Variants in MARCHF10 observed in about 807,000 individuals in gnomAD.
MARCHF10 encodes the protein membrane associated ring-CH-type finger 10.
Under a neutral mutation model 76.2 loss-of-function variants are expected in MARCHF10, and 64 were observed. The observed-to-expected ratio is 0.84, with a 90% CI of 0.69 to 1.03. The LOEUF is 1.03. Among genes scored for constraint, MARCHF10 ranks in the 50% least tolerant of loss-of-function variants. MARCHF10 has a pLI of 0.00. For synonymous variants in MARCHF10, 340 were observed against 357.5 expected (o/e 0.95, Z 0.55); for missense variants, 875 against 958.0 (o/e 0.91, Z 1.14).
intron 4 of MARCHF10, among the ~76,000 whole-genome samples, chr17:62,757,982 G>A (rs1032948539): frequency 3.3e-5 from 5 of 152,102 alleles, no homozygotes; most frequent in Non-Finnish European, 7.4e-5. Context: ...TAAAGCATTG[G>A]GTGGATCTAA....
Position 62,776,352 on chromosome 17 carries a change from C to A in MARCHF10, c.210+12128G>T, listed in dbSNP as rs144898448. ...GGATAACAATTGGTGCTTCTATCAA[C>A]CCGGCCACATGGCAGGATCACCCTC... On this transcript the variant is annotated intron_variant, in intron 3 of 10. Transcript: ENST00000311269. Among the ~76,000 whole-genome samples the A allele has an allele frequency of 7.7e-3, 1,166 of 152,318 alleles. 20 individuals carry two copies. Among genetic ancestry groups the A allele is most frequent in the African/African-American group, 0.025 (1,050 of 41,564 alleles).
chr17:62,710,307 A>G (rs2089847759), intron 9 of MARCHF10, among the ~76,000 whole-genome samples: 1 of 152,222 alleles, frequency 6.6e-6, no homozygotes, highest in African/African-American at 2.4e-5. Flanking sequence ...AAAGGATCAT[A>G]TCCTGCTTCT....
At chr17:62,782,866 C>T (rs550687336) in intron 3 of MARCHF10, among the ~76,000 whole-genome samples, 1 of 152,278 alleles carries the variant, frequency 6.6e-6, no homozygotes, top group Admixed American at 6.5e-5. Flanking sequence ...ATGATGCATT[C>T]AGTGACACTT....
intron 3 of MARCHF10, among the ~76,000 whole-genome samples, chr17:62,765,698 G>A (rs1486032312): frequency 1.3e-5 from 2 of 152,118 alleles, no homozygotes; most frequent in Admixed American, 1.3e-4. Flanking sequence ...CAAGCAGGAC[G>A]TGCTAGGTAC....
At chr17:62,705,430 T>G (rs1193199606) in intron 10 of MARCHF10, 109 bp downstream of exon 10, 1 of 1,599,820 alleles carries the variant, frequency 6.3e-7, no homozygotes, top group Admixed American at 1.8e-5. Context: ...TTTTTGCCTC[T>G]GGGTGGTGGT....
intron 8 of MARCHF10, among the ~76,000 whole-genome samples, chr17:62,719,048 C>CA (rs2090357759): frequency 6.6e-6 from 1 of 152,184 alleles, no homozygotes; most frequent in South Asian, 2.1e-4. Context: ...TAGACTCACA[C>CA]AAATCATTTT....
chr17:62,760,430 T>C (rs1243686900), intron 3 of MARCHF10, among the ~76,000 whole-genome samples: 1 of 152,234 alleles, frequency 6.6e-6, no homozygotes, highest in Non-Finnish European at 1.5e-5. Context: ...AAAGGAAATG[T>C]AGATAGTGTG....
chr17:62,724,933 C>A lies in MARCHF10; in HGVS notation c.2104+5G>T. 6.2e-7 allele frequency: 1 copy of A among 1,611,324 alleles called. No homozygotes were observed. The highest frequency in any genetic ancestry group is 8.5e-7 in the Non-Finnish European group (1 of 1,178,982). On this transcript the variant is annotated splice_donor_5th_base_variant and intron_variant, in intron 7 of 10. Coordinates refer to ENST00000311269, the MANE Select transcript of MARCHF10 (RefSeq NM_152598.4). ...CACGTTCACTGCACTTCCTTCCCCACCTACCTGATGTTATTTTCACTTTCA... is the reference window on the plus strand; with the variant it reads ...CACGTTCACTGCACTTCCTTCCCCAACTACCTGATGTTATTTTCACTTTCA...
chr17:62,703,264 C>G (rs764468893), intron 10 of MARCHF10: 5 of 152,364 alleles, frequency 3.3e-5, no homozygotes. Context: ...TCTTTTCCTC[C>G]TGTGTACCTC....
rs1031619126 is a variant in MARCHF10, at chr17:62,736,156, G to C, written c.1712C>G (p.Ser571Cys). Reference sequence around the variant, plus strand: ...AGAGGAGCTGGAAGAATCCACTAAGGACAAATTGCCCTGTGGATTTAGTAA... The same window carrying C: ...AGAGGAGCTGGAAGAATCCACTAAGCACAAATTGCCCTGTGGATTTAGTAA... ...DLLLNPQGNLSLVDSSSSSPS... is the reference protein window; with the variant it reads ...DLLLNPQGNLCLVDSSSSSPS... The change falls in exon 6 of 11, where the codon TCC (serine) becomes TGC (cysteine). Residue 571 changes from serine (S) to cysteine (C), a missense_variant. Ser to Cys is a moderately radical substitution (Grantham distance 112). Coordinates refer to ENST00000311269, the MANE Select transcript of MARCHF10 (RefSeq NM_152598.4). 6.2e-7 allele frequency: 1 copy of C among 1,614,172 alleles called. No homozygotes were observed. The highest frequency in any genetic ancestry group is 8.5e-7 in the Non-Finnish European group (1 of 1,180,030).
intron 1 of MARCHF10, among the ~76,000 whole-genome samples, chr17:62,807,712 C>T (rs2093183981): frequency 6.6e-6 from 1 of 151,962 alleles, no homozygotes; most frequent in Admixed American, 6.6e-5. Flanking sequence ...GCAGTGAGCC[C>T]TGACTGCACC....
At position 62,736,375 on chromosome 17, in the gene MARCHF10, C is replaced by T. The variant is rs1278166535; in HGVS notation, c.1493G>A (p.Ser498Asn). ...DLSMSSTSVHSSDSEGNSGFH... is the reference protein window; with the variant it reads ...DLSMSSTSVHNSDSEGNSGFH... ...CCCTGAGTTTCCCTCTGAGTCTGAG[C>T]TGTGAACTGAAGTCGATGACATTGA... Residue 498 changes from serine (S) to asparagine (N), a missense_variant, in exon 6 of 11, where the codon AGC becomes AAC. By Grantham distance (46) the Ser-to-Asn change is conservative. Coordinates refer to ENST00000311269, the MANE Select transcript of MARCHF10 (RefSeq NM_152598.4). 3 of 1,614,052 alleles carry T rather than the reference C, an allele frequency of 1.9e-6. No homozygotes were observed. Among genetic ancestry groups the T allele is most frequent in the African/African-American group, 2.7e-5 (2 of 74,914 alleles).
intron 3 of MARCHF10, among the ~76,000 whole-genome samples, chr17:62,779,516 G>A (rs1209662858): frequency 2.6e-5 from 4 of 152,140 alleles, no homozygotes; most frequent in Non-Finnish European, 5.9e-5. Flanking sequence ...AATCAATAGG[G>A]AATGAAAGGA....
In MARCHF10 at chr17:62,701,535, T is replaced by C. The variant is rs1332618412; in HGVS notation, c.*168A>G. The C allele has an allele frequency of 8.9e-6, 13 of 1,468,772 alleles. No individual in the cohort carries two copies. Among genetic ancestry groups the C allele is most frequent in the Middle Eastern group, 2.0e-4 (1 of 4,900 alleles). The allele number at this position is 1,468,772 out of a possible 1,614,324, so 91.0% of individuals were successfully genotyped here. Reference sequence around the variant, plus strand: ...CTAGACTGGTCGCTGTGGCTGCCCATAGATGCTCAAGCCAGACCCCAAAAG... The same window carrying C: ...CTAGACTGGTCGCTGTGGCTGCCCACAGATGCTCAAGCCAGACCCCAAAAG... On this transcript the variant is annotated 3_prime_UTR_variant, in exon 11 of 11. Transcript: ENST00000311269.
intron 9 of MARCHF10, among the ~76,000 whole-genome samples, chr17:62,710,868 T>C (rs2089893885): frequency 6.6e-6 from 1 of 152,114 alleles, no homozygotes; most frequent in Non-Finnish European, 1.5e-5. Flanking sequence ...GCCAGGTTCC[T>C]CTTTTTCGCA....
chr17:62,773,721 G>T (rs1286383724), intron 3 of MARCHF10, among the ~76,000 whole-genome samples: 2 of 152,168 alleles, frequency 1.3e-5, no homozygotes, highest in African/African-American at 4.8e-5. Flanking sequence ...GAAATTTCTA[G>T]CTGAGGGACA....
At chr17:62,779,590 C>T (rs1051198338) in intron 3 of MARCHF10, among the ~76,000 whole-genome samples, 7 of 152,200 alleles carry the variant, frequency 4.6e-5, no homozygotes, top group Non-Finnish European at 1.0e-4. Context: ...CCTCCACGGA[C>T]AGCTGAGTCA....
chr17:62,768,973 T>C (rs2092391436), intron 3 of MARCHF10, among the ~76,000 whole-genome samples: 4 of 152,252 alleles, frequency 2.6e-5, no homozygotes, highest in Admixed American at 2.6e-4. Context: ...AACAATTCTC[T>C]GGTCTTTTGG....
chr17:62,753,932 C>G (rs566240495), intron 4 of MARCHF10, among the ~76,000 whole-genome samples: 5 of 152,238 alleles, frequency 3.3e-5, no homozygotes, highest in Non-Finnish European at 5.9e-5. Context: ...ATGAGTACAC[C>G]AGTTCGCCCT....
Sources: allele counts gnomAD v4.1 joint callset (sites outside exome capture counted in the v4.1 genomes callset), GRCh38; gene constraint gnomAD v4.1.1; transcripts MANE v1.5; gene names NCBI Gene and HGNC (gene_info 2026-07-23, HGNC 2026-07-21).